Variants in GLDC observed in about 807,000 individuals in gnomAD.
GLDC encodes glycine decarboxylase, also known as glycine dehydrogenase (decarboxylating), mitochondrial.
Under a neutral mutation model 121.3 loss-of-function variants are expected in GLDC, and 104 were observed. The observed-to-expected ratio is 0.86, with a 90% confidence interval of 0.73 to 1.01. The LOEUF (loss-of-function observed/expected upper bound fraction) is 1.01, where lower values mean the gene tolerates loss of function less well. GLDC is among the 50% of genes least tolerant of loss of function. The pLI is 0.00. For missense variants in GLDC, 1,429 were observed against 1,306.6 expected, an observed-to-expected ratio of 1.09 and a Z score of -1.44; for synonymous variants, 546 against 480.6, an observed-to-expected ratio of 1.14 and a Z score of -1.78.
At chr9:6,604,544 A>T in intron 7 of GLDC, 44 bp downstream of exon 7, 4 of 1,510,226 alleles carry the variant, frequency 2.6e-6, no homozygotes, top group Non-Finnish European at 3.7e-6. Flanking sequence ...GAAATCAGGG[A>T]AATCATAATC....
intron 15 of GLDC, among the ~76,000 whole-genome samples, chr9:6,572,627 A>T (rs7027289): frequency 6.6e-6 from 1 of 152,060 alleles, no homozygotes; most frequent in Non-Finnish European, 1.5e-5. Flanking sequence ...CTGGATGGAC[A>T]GACCAAAGGA....
chr9:6,622,458 G>C (rs1819124525), intron 2 of GLDC, among the ~76,000 whole-genome samples: 1 of 151,338 alleles, frequency 6.6e-6, no homozygotes, highest in Non-Finnish European at 1.5e-5. Context: ...TGGCCGGGCT[G>C]GTCTCCAGCT....
At chr9:6,633,136 C>T (rs1456564083) in intron 2 of GLDC, among the ~76,000 whole-genome samples, 1 of 152,162 alleles carries the variant, frequency 6.6e-6, no homozygotes, top group Non-Finnish European at 1.5e-5. Context: ...TCGGAGGATC[C>T]TTATGTCTTT....
intron 8 of GLDC, among the ~76,000 whole-genome samples, chr9:6,598,043 T>G (rs1382309215): frequency 6.6e-6 from 1 of 152,248 alleles, no homozygotes; most frequent in African/African-American, 2.4e-5. Flanking sequence ...CTTTTTGTTT[T>G]GTAGAGGTGG....
In GLDC at chr9:6,639,668, A is replaced by AAAAAAATATATATAT; in HGVS notation, c.334+4945_334+4946insATATATATATTTTTT. The AAAAAAATATATATAT allele has an allele frequency of 1.5e-3, 380 of 250,392 alleles. 1 individual carries two copies. The highest frequency in any genetic ancestry group is 5.8e-3 in the African/African-American group (111 of 19,244). 15.5% of individuals were successfully genotyped at this position (250,392 alleles called of 1,614,324 possible). On this transcript the variant is annotated intron_variant, in intron 2 of 24. Transcript: ENST00000321612. ...ATATATCTTTTCACCATAAAAAAAA[A>AAAAAAATATATATAT]GTATATATATATATATATATGGACA...
intron 11 of GLDC, among the ~76,000 whole-genome samples, chr9:6,591,632 T>C (rs1235111052): frequency 6.6e-6 from 1 of 152,200 alleles, no homozygotes; most frequent in Non-Finnish European, 1.5e-5. Flanking sequence ...CTGCCCAGGC[T>C]AGAGTGCAAT....
intron 15 of GLDC, among the ~76,000 whole-genome samples, chr9:6,580,846 T>C (rs1449751811): frequency 6.6e-6 from 1 of 152,168 alleles, no homozygotes; most frequent in Non-Finnish European, 1.5e-5. Context: ...CATCTCTTCT[T>C]CCTTAATCTA....
At chr9:6,570,014 T>C (rs938324883) in intron 15 of GLDC, among the ~76,000 whole-genome samples, 2 of 152,204 alleles carry the variant, frequency 1.3e-5, no homozygotes, top group Non-Finnish European at 2.9e-5. Flanking sequence ...GCTAACTTTA[T>C]AGACACCATA....
intron 2 of GLDC, among the ~76,000 whole-genome samples, chr9:6,621,708 G>A (rs1409619866): frequency 1.3e-5 from 2 of 152,256 alleles, no homozygotes; most frequent in East Asian, 3.9e-4. Context: ...AGTAGAGATG[G>A]GGTTTCACCA....
At chr9:6,559,516 TAAAAAAAAAA>T (rs56198084) in intron 16 of GLDC, among the ~76,000 whole-genome samples, 1 of 83,274 alleles carries the variant, frequency 1.2e-5, no homozygotes, top group African/African-American at 5.0e-5. Flanking sequence ...ACTCCGTATT[TAAAAAAAAAA>T]AAAAAAAAAA....
At chr9:6,620,532 GC>G (rs552470429) in intron 2 of GLDC, among the ~76,000 whole-genome samples, 10 of 150,162 alleles carry the variant, frequency 6.7e-5, no homozygotes, top group Non-Finnish European at 1.3e-4. Context: ...CTCAAGGTTG[GC>G]CCCCCCATCA....
intron 5 of GLDC, chr9:6,606,192 C>A: frequency 4.3e-6 from 1 of 232,938 alleles, no homozygotes; most frequent in Non-Finnish European, 8.4e-6. Flanking sequence ...ACCTGTAGTC[C>A]CAGCAACTCG....
At chr9:6,626,897 A>C (rs1431211244) in intron 2 of GLDC, among the ~76,000 whole-genome samples, 1 of 152,198 alleles carries the variant, frequency 6.6e-6, no homozygotes, top group Non-Finnish European at 1.5e-5. Context: ...CCAGGAACCC[A>C]CTGGCCCAAT....
chr9:6,604,656 A>G lies in GLDC; in HGVS notation c.990T>C (p.His330=), dbSNP rs1329493716. 1.2e-5 allele frequency: 20 copies of G among 1,614,064 alleles called. No homozygotes were observed. Among genetic ancestry groups the G allele is most frequent in the East Asian group, 2.2e-5 (1 of 44,890 alleles). Residue 330 remains histidine, a synonymous_variant, in exon 7 of 25, where the codon CAT becomes CAC. Transcript: ENST00000321612. The part of the protein sequence containing the change: ...FGVPLGYGGP[H]AAFFAVRESL... ...TTTCTCGGACAGCAAAAAATGCTGCATGGGGTCCCCCATAGCCCAGTGGCA... is the reference window on the plus strand; with the variant it reads ...TTTCTCGGACAGCAAAAAATGCTGCGTGGGGTCCCCCATAGCCCAGTGGCA...
In GLDC at chr9:6,549,503, C is replaced by T. The variant is rs184866664; in HGVS notation, c.2569+1300G>A. On this transcript the variant is annotated intron_variant, in intron 21 of 24. Coordinates refer to ENST00000321612, the MANE Select transcript of GLDC (RefSeq NM_000170.3). ...AAGCTGCCTCAGGTGTGGAGTGCCCCTCACCAGGCACCCAACTTCTCCCTC... is the reference window on the plus strand; with the variant it reads ...AAGCTGCCTCAGGTGTGGAGTGCCCTTCACCAGGCACCCAACTTCTCCCTC... Among the ~76,000 whole-genome samples, 91 of 152,262 alleles carry T rather than the reference C, an allele frequency of 6.0e-4. No homozygotes were observed. The Middle Eastern group carries it at 0.017, about 28-fold the overall frequency.
intron 3 of GLDC, among the ~76,000 whole-genome samples, chr9:6,612,868 C>T (rs970085406): frequency 1.3e-5 from 2 of 151,472 alleles, no homozygotes; most frequent in African/African-American, 4.9e-5. Flanking sequence ...TCTCAAAAAA[C>T]AAAAAATAAC....
rs185644499 is a variant in GLDC, at chr9:6,624,342, C to T, written c.335-4023G>A. Among the ~76,000 whole-genome samples the T allele has an allele frequency of 1.3e-3, 199 of 152,274 alleles. 1 individual carries two copies. Among genetic ancestry groups the T allele is most frequent in the African/African-American group, 4.6e-3 (191 of 41,550 alleles). ...TGCTGGATTAGGGTCAGCCGTAATC[C>T]AATGATTGGTGTCCTTATAAGAAGA... On this transcript the variant is annotated intron_variant, in intron 2 of 24. Transcript: ENST00000321612.
At chr9:6,553,017 G>T (rs972643127) in intron 20 of GLDC, among the ~76,000 whole-genome samples, 1 of 151,944 alleles carries the variant, frequency 6.6e-6, no homozygotes, top group Non-Finnish European at 1.5e-5. Context: ...CTTTTCACTC[G>T]GAAGGGGCTA....
chr9:6,608,533 G>A (rs1047044328), intron 4 of GLDC, among the ~76,000 whole-genome samples: 2 of 148,794 alleles, frequency 1.3e-5, no homozygotes, highest in African/African-American at 4.9e-5. Flanking sequence ...GAGGTCAGGA[G>A]ATCGAGACCC....
Sources: gnomAD v4.1 joint callset for allele counts (sites outside exome capture counted in the v4.1 genomes callset) on GRCh38, gnomAD v4.1.1 for gene constraint, MANE v1.5 for transcripts, NCBI Gene and HGNC (gene_info 2026-07-23, HGNC 2026-07-21) for gene names.